Variants in KCNMA1 observed in about 807,000 individuals in gnomAD.
The protein encoded by KCNMA1 is potassium calcium-activated channel subfamily M alpha 1.
Under a neutral mutation model 140.0 loss-of-function variants are expected in KCNMA1, and 29 were observed. That is an observed-to-expected ratio of 0.21 (90% CI 0.15 to 0.28). KCNMA1 has a LOEUF of 0.28. KCNMA1 is among the 10% of genes least tolerant of loss of function. KCNMA1 has a pLI of 1.00. For synonymous variants in KCNMA1, 612 were observed against 611.9 expected, an observed-to-expected ratio of 1.00 and a Z score of 0.00; for missense variants, 880 against 1,602.2, an observed-to-expected ratio of 0.55 and a Z score of 7.70.
chr10:77,150,222 CA>C (rs1324641545), intron 5 of KCNMA1: 6 of 152,142 alleles, frequency 3.9e-5, no homozygotes, highest in Admixed American at 2.0e-4. Flanking sequence ...TGTAGGTTTG[CA>C]AATAAAATCA....
intron 9 of KCNMA1, among the ~76,000 whole-genome samples, chr10:77,107,297 G>A (rs1336063251): frequency 1.3e-5 from 2 of 152,242 alleles, no homozygotes; most frequent in African/African-American, 2.4e-5. Context: ...GTCCATGACT[G>A]GGAAGAGGCA....
At chr10:76,883,189 G>C (rs1459994623), downstream of KCNMA1, among the ~76,000 whole-genome samples, 1 of 152,128 alleles carries the variant, frequency 6.6e-6, no homozygotes, top group African/African-American at 2.4e-5. Context: ...GCTTGAGAAA[G>C]TGCCACCAAC....
chr10:77,533,615 C>T (rs565588496), intron 1 of KCNMA1, among the ~76,000 whole-genome samples: 18 of 152,260 alleles, frequency 1.2e-4, no homozygotes, highest in African/African-American at 4.3e-4. Context: ...CCCTCCCCCA[C>T]CTCCATCACT....
intron 16 of KCNMA1, among the ~76,000 whole-genome samples, chr10:77,023,850 G>T (rs1186590594): frequency 6.6e-6 from 1 of 152,072 alleles, no homozygotes; most frequent in Non-Finnish European, 1.5e-5. Flanking sequence ...ACACAGTTGT[G>T]TATTTCATAT....
At chr10:76,986,705 C>G (rs1475023362) in intron 19 of KCNMA1, among the ~76,000 whole-genome samples, 1 of 152,184 alleles carries the variant, frequency 6.6e-6, no homozygotes, top group Non-Finnish European at 1.5e-5. Context: ...GCACACCCTG[C>G]CTTAAATATC....
chr10:77,309,473 C>A (rs1602035171), intron 2 of KCNMA1: 2 of 152,246 alleles, frequency 1.3e-5, no homozygotes, highest in East Asian at 1.9e-4. Context: ...TAAAGTTGGT[C>A]ACTCACCTAG....
chr10:77,402,413 C>T (rs1190895572), intron 2 of KCNMA1, among the ~76,000 whole-genome samples: 2 of 152,206 alleles, frequency 1.3e-5, no homozygotes, highest in Admixed American at 1.3e-4. Flanking sequence ...CTCTCTCCTC[C>T]TCCAAAACTC....
chr10:77,387,758 C>T lies in KCNMA1; in HGVS notation c.540+16104G>A, dbSNP rs181629289. Among the ~76,000 whole-genome samples the T allele has an allele frequency of 6.2e-4, 95 of 152,134 alleles. No homozygotes were observed. In the South Asian group the frequency reaches 6.9e-3, roughly 11 times the overall value. ...TCAGCCTCCCAAGTAGCTGAGACTA[C>T]AGGTGCCTGCCAGCATGCTCAGCTA... On this transcript the variant is annotated intron_variant, in intron 2 of 27. Transcript: ENST00000286628.
intron 2 of KCNMA1, among the ~76,000 whole-genome samples, chr10:77,369,199 T>A (rs769014822): frequency 2.6e-5 from 4 of 152,196 alleles, no homozygotes; most frequent in Non-Finnish European, 5.9e-5. Context: ...GCCATTTCTC[T>A]AGGTCCTCAG....
Position 76,971,219 on chromosome 10 carries a change from C to A in KCNMA1, c.2267-1152G>T, listed in dbSNP as rs532959233. ...GCACCCTGAAACTCAGAATGCACAG[C>A]AGTTACCTTAAAGCTAAGAAGAGAA... On this transcript the variant is annotated intron_variant, in intron 19 of 27. Coordinates refer to ENST00000286628, the MANE Select transcript of KCNMA1 (RefSeq NM_001161352.2). 1.3e-3 allele frequency among the ~76,000 whole-genome samples: 200 copies of A among 152,210 alleles called. 2 individuals carry two copies. The highest frequency in any genetic ancestry group is 4.6e-3 in the African/African-American group (193 of 41,518).
chr10:77,511,315 C>T (rs1184119948), intron 1 of KCNMA1, among the ~76,000 whole-genome samples: 2 of 152,188 alleles, frequency 1.3e-5, no homozygotes, highest in African/African-American at 4.8e-5. Context: ...TAATACAGGA[C>T]CATACAGGAA....
At chr10:77,561,903 C>G (rs2066514511) in intron 1 of KCNMA1, among the ~76,000 whole-genome samples, 1 of 152,148 alleles carries the variant, frequency 6.6e-6, no homozygotes, top group Non-Finnish European at 1.5e-5. Flanking sequence ...AGTGCTAAAG[C>G]TCTTAGTCGA....
chr10:77,040,711 T>C (rs2094618009), intron 14 of KCNMA1, among the ~76,000 whole-genome samples: 1 of 152,230 alleles, frequency 6.6e-6, no homozygotes, highest in African/African-American at 2.4e-5. Context: ...AGCATGTATA[T>C]ATTATAATGA....
chr10:77,185,684 G>A (rs1167445455), intron 3 of KCNMA1, among the ~76,000 whole-genome samples: 1 of 150,638 alleles, frequency 6.6e-6, no homozygotes, highest in Non-Finnish European at 1.5e-5. Flanking sequence ...TCTACTTCAA[G>A]AGTCGCCAGT....
chr10:76,996,157 A>C (rs2084245550), intron 19 of KCNMA1, among the ~76,000 whole-genome samples: 1 of 152,194 alleles, frequency 6.6e-6, no homozygotes, highest in South Asian at 2.1e-4. Flanking sequence ...CTGGAGAAGA[A>C]CCCAGTGTGT....
At position 77,108,574 on chromosome 10, in the gene KCNMA1, T is replaced by C; in HGVS notation, c.1132-2A>G. 1 of 1,610,328 alleles carries C rather than the reference T, an allele frequency of 6.2e-7. No homozygotes were observed. The highest frequency in any genetic ancestry group is 8.5e-7 in the Non-Finnish European group (1 of 1,177,674). On this transcript the variant is annotated splice_acceptor_variant, in intron 8 of 27. Transcript: ENST00000286628. LOFTEE classifies it high-confidence loss of function. This position sits in a 1 kb window ranked among gnomAD's most constrained non-coding sequence, Gnocchi z 4.6. ...AGGGACGTAGCTGGCAAACATGGCCTGAGAAGATAGGAGACAGAAGAGAGA... is the reference window on the plus strand; with the variant it reads ...AGGGACGTAGCTGGCAAACATGGCCCGAGAAGATAGGAGACAGAAGAGAGA...
chr10:77,347,548 G>A (rs550894923), intron 2 of KCNMA1, among the ~76,000 whole-genome samples: 1 of 152,288 alleles, frequency 6.6e-6, no homozygotes, highest in African/African-American at 2.4e-5. Context: ...TGCAGCCAGA[G>A]GCCAGGGTTT....
At position 77,552,335 on chromosome 10, in the gene KCNMA1, T is replaced by C. The variant is rs375491522; in HGVS notation, c.378+84930A>G. Among the ~76,000 whole-genome samples the C allele has an allele frequency of 1.6e-3, 248 of 152,312 alleles. 3 individuals carry two copies. The South Asian group carries it at 0.025, about 16-fold the overall frequency. ...AATCTTAATTTCTCCATTTCCCAGC[T>C]GTGTGACCTCGATAAGATTACTTCA... On this transcript the variant is annotated intron_variant, in intron 1 of 27. Coordinates refer to ENST00000286628, the MANE Select transcript of KCNMA1 (RefSeq NM_001161352.2).
intron 15 of KCNMA1, 134 bp from the exon 16 acceptor site, chr10:77,028,025 A>G: frequency 1.2e-6 from 1 of 809,040 alleles, no homozygotes; most frequent in Non-Finnish European, 2.1e-6. Context: ...GCACTGTGCC[A>G]AAGGGAGGGG....
Sources: gnomAD v4.1 joint callset for allele counts (sites outside exome capture counted in the v4.1 genomes callset) on GRCh38, gnomAD v4.1.1 for gene constraint, Gnocchi (gnomAD v3.1) non-coding constraint, MANE v1.5 for transcripts, NCBI Gene and HGNC (gene_info 2026-07-23, HGNC 2026-07-21) for gene names.